ARMC2: variants seen among roughly 807,000 people sequenced by gnomAD.
The protein encoded by ARMC2 is armadillo repeat-containing protein 2.
Under a neutral mutation model 90.3 loss-of-function variants are expected in ARMC2, and 67 were observed. That is an observed-to-expected ratio of 0.74 (90% CI 0.61 to 0.91). The LOEUF (loss-of-function observed/expected upper bound fraction) is 0.91, where lower values mean the gene tolerates loss of function less well. Among genes scored for constraint, ARMC2 ranks in the 40% least tolerant of loss-of-function variants. ARMC2 has a pLI of 0.00. For synonymous variants in ARMC2, 393 were observed against 393.0 expected, an observed-to-expected ratio of 1.00 and a Z score of 0.00; for missense variants, 920 against 1,030.9, an observed-to-expected ratio of 0.89 and a Z score of 1.47.
intron 7 of ARMC2, among the ~76,000 whole-genome samples, chr6:108,901,521 T>A (rs1772157190): frequency 6.6e-6 from 1 of 152,010 alleles, no homozygotes; most frequent in South Asian, 2.1e-4. Flanking sequence ...GTTCAAGCAA[T>A]TCTTGTGCCT....
chr6:108,849,511 C>A (rs1562311619), intron 1 of ARMC2, among the ~76,000 whole-genome samples: 1 of 152,094 alleles, frequency 6.6e-6, no homozygotes, highest in Non-Finnish European at 1.5e-5. Context: ...CACATGTACC[C>A]TAGAACTTAA....
chr6:108,904,033 C>T (rs1413172468), intron 7 of ARMC2, among the ~76,000 whole-genome samples, 197 bp from the exon 8 acceptor site: 1 of 151,704 alleles, frequency 6.6e-6, no homozygotes, highest in Non-Finnish European at 1.5e-5. Flanking sequence ...AATAAGTCAA[C>T]ATGGTAGGAG....
chr6:108,855,249 T>TG (rs1215760868), intron 2 of ARMC2, among the ~76,000 whole-genome samples: 1 of 150,668 alleles, frequency 6.6e-6, no homozygotes, highest in African/African-American at 2.5e-5. Context: ...TTTTTGTTTT[T>TG]CTTTTTTTTT....
intron 10 of ARMC2, among the ~76,000 whole-genome samples, chr6:108,924,292 C>T (rs1178166157): frequency 2.0e-5 from 3 of 151,980 alleles, no homozygotes; most frequent in East Asian, 1.9e-4. Flanking sequence ...CCGAGGCGGG[C>T]GGATCACTTG....
chr6:108,868,978 C>T lies in ARMC2; in HGVS notation c.446C>T (p.Ser149Phe), dbSNP rs1345751380. The change falls in exon 4 of 18, where the codon TCC becomes TTC. Residue 149 changes from serine (S) to phenylalanine (F), a missense_variant. Transcript: ENST00000392644. The stretch of plus-strand genomic sequence containing the variant: ...CAGCGGGCCCTTCTGCCGGACAGAT[C>T]CCTTCCTCCCTCCGACTGTAAGGCC... Reference protein sequence around the residue: ...ASQRALLPDRSLPPSDSKKTV... With the variant: ...ASQRALLPDRFLPPSDSKKTV... 2 of 1,612,694 alleles carry T rather than the reference C, an allele frequency of 1.2e-6. No homozygotes were observed. The highest frequency in any genetic ancestry group is 3.3e-5 in the Admixed American group (2 of 59,784).
At chr6:108,946,133 C>G (rs1416793305) in intron 12 of ARMC2, among the ~76,000 whole-genome samples, 1 of 152,224 alleles carries the variant, frequency 6.6e-6, no homozygotes, top group Non-Finnish European at 1.5e-5. Context: ...CCGGCTTTGC[C>G]CTTGTGGAAC....
intron 13 of ARMC2, among the ~76,000 whole-genome samples, chr6:108,955,197 A>G (rs79774757): frequency 0.021 from 3,156 of 152,320 alleles, 49 homozygotes; most frequent in Middle Eastern, 0.044. Context: ...TCAGTTTAGA[A>G]CAAGGTTTTA....
chr6:109,009,308 T>TGCC, the ARMC2 span: 20 of 1,427,228 alleles, frequency 1.4e-5, no homozygotes, highest in African/African-American at 3.0e-4. Flanking sequence ...CTCGGCCGGG[T>TGCC]GCCCACCCGC....
rs757791916 is a variant in ARMC2 at position 108,973,462 on chromosome 6, G to T, written c.2552G>T (p.Arg851Leu). Residue 851 changes from arginine to leucine, a missense_variant, in exon 18 of 18, where the codon CGA becomes CTA. Transcript: ENST00000392644. ...FKPVAQQLLN[R>L]IQRHHTFLEP... is the part of the protein sequence containing the mutation. ...CCTGTGGCACAGCAGCTTCTAAACCGAATTCAGAGACATCACACCTTCCTG... is the reference window on the plus strand; with the variant it reads ...CCTGTGGCACAGCAGCTTCTAAACCTAATTCAGAGACATCACACCTTCCTG... The T allele has an allele frequency of 1.2e-6, 2 of 1,613,708 alleles. No homozygotes were observed. Among genetic ancestry groups the T allele is most frequent in the South Asian group, 2.2e-5 (2 of 91,062 alleles).
intron 15 of ARMC2, 37 bp downstream of exon 15, chr6:108,962,164 T>G: frequency 6.7e-7 from 1 of 1,491,552 alleles, no homozygotes; most frequent in Non-Finnish European, 9.2e-7. Context: ...AACATTCACT[T>G]TTTGCCAATA....
intron 17 of ARMC2, among the ~76,000 whole-genome samples, chr6:108,971,999 A>G (rs1778799900): frequency 6.6e-6 from 1 of 151,968 alleles, no homozygotes; most frequent in Admixed American, 6.6e-5. Flanking sequence ...TTACCATTTT[A>G]GAAGTTGGCC....
chr6:108,962,003 G>T lies in ARMC2; in HGVS notation c.2039-11G>T. ...ATTCACTGATTTAATTTCTCTGGTC[G>T]CCAAATCCAGTGCTCTTAAAGCTTC... On this transcript the variant is annotated splice_polypyrimidine_tract_variant and intron_variant, in intron 14 of 17. Coordinates refer to ENST00000392644, the MANE Select transcript of ARMC2 (RefSeq NM_032131.6). 1 of 1,572,612 alleles carries T rather than the reference G, an allele frequency of 6.4e-7. No homozygotes were observed. The highest frequency in any genetic ancestry group is 8.6e-7 in the Non-Finnish European group (1 of 1,156,834).
chr6:108,976,406 AG>A (rs1417612225), downstream of ARMC2, among the ~76,000 whole-genome samples: 1 of 152,014 alleles, frequency 6.6e-6, no homozygotes, highest in East Asian at 1.9e-4. Flanking sequence ...TTTTTACTGT[AG>A]CCTTGTAGTA....
chr6:108,854,588 TTAG>T, intron 2 of ARMC2, 103 bp downstream of exon 2: 1 of 1,192,072 alleles, frequency 8.4e-7, no homozygotes, highest in Non-Finnish European at 1.2e-6. Flanking sequence ...GACTTATTTT[TTAG>T]AACAGTTTTA....
chr6:108,885,446 C>G (rs1777992931), intron 5 of ARMC2, among the ~76,000 whole-genome samples: 1 of 152,056 alleles, frequency 6.6e-6, no homozygotes, highest in Non-Finnish European at 1.5e-5. Context: ...GTAACTCACA[C>G]CTGTGATCTC....
the ARMC2 span, among the ~76,000 whole-genome samples, chr6:108,991,331 T>TGCTGG: frequency 1.3e-5 from 2 of 152,162 alleles, no homozygotes; most frequent in Non-Finnish European, 2.9e-5. Flanking sequence ...AGTCTCCAAC[T>TGCTGG]GCTGGGCTCA....
the ARMC2 span, among the ~76,000 whole-genome samples, chr6:108,991,754 T>C: frequency 1.3e-5 from 2 of 152,338 alleles, no homozygotes; most frequent in Admixed American, 1.3e-4. Flanking sequence ...GCCATCACGC[T>C]GGTCAAAGCC....
chr6:108,892,154 G>C (rs2128455402), intron 5 of ARMC2, among the ~76,000 whole-genome samples: 1 of 152,092 alleles, frequency 6.6e-6, no homozygotes. Flanking sequence ...TGTATTGAAA[G>C]CAAGGCCTTG....
chr6:108,939,962 T>C (rs1776297824), intron 12 of ARMC2, among the ~76,000 whole-genome samples: 1 of 152,260 alleles, frequency 6.6e-6, no homozygotes, highest in African/African-American at 2.4e-5. Flanking sequence ...TTGTCCCACA[T>C]GTGAAGCCTG....
Sources: allele counts gnomAD v4.1 joint callset (sites outside exome capture counted in the v4.1 genomes callset), GRCh38; gene constraint gnomAD v4.1.1; transcripts MANE v1.5; gene names NCBI Gene and HGNC (gene_info 2026-07-23, HGNC 2026-07-21).